HEATR5B: variants seen among roughly 807,000 people sequenced by gnomAD.
The protein encoded by HEATR5B is HEAT repeat-containing protein 5B.
A neutral mutation model predicts 224.1 loss-of-function variants in HEATR5B; 156 were observed. That is an observed-to-expected ratio of 0.70 (90% CI 0.61 to 0.80). The LOEUF (loss-of-function observed/expected upper bound fraction) is 0.80. Ranked by LOEUF, HEATR5B falls within the 30% of genes least tolerant of loss-of-function variation. The probability of loss-of-function intolerance (pLI) is 0.00; values close to 1 mark genes in which losing one functional copy is unlikely to be tolerated. For missense variants in HEATR5B, 2,323 were observed against 2,535.5 expected (o/e 0.92, Z 1.80); for synonymous variants, 1,027 against 893.0 (o/e 1.15, Z -2.68).
At chr2:36,984,215 A>AAAAAAAAAAAAAAAATATAT in intron 35 of HEATR5B, among the ~76,000 whole-genome samples, 2 of 77,642 alleles carry the variant, frequency 2.6e-5, no homozygotes, top group Admixed American at 1.4e-4. Flanking sequence ...AAAAAAAAAA[A>AAAAAAAAAAAAAAAATATAT]ATATATATAT....
intron 28 of HEATR5B, 76 bp downstream of exon 28, chr2:37,008,535 T>C (rs1371892267): frequency 1.0e-6 from 1 of 987,318 alleles, no homozygotes; most frequent in African/African-American, 1.6e-5. Context: ...CTGTTGTTGC[T>C]AGTCTATACC....
Position 37,083,275 on chromosome 2 carries a change from G to T in HEATR5B, c.126+14C>A. 2 of 1,613,664 alleles carry T rather than the reference G, an allele frequency of 1.2e-6. No individual in the cohort carries two copies. The highest frequency in any genetic ancestry group is 1.7e-6 in the Non-Finnish European group (2 of 1,179,766). ...TCACGTTAATGCAACTGGGAAAAAA[G>T]AGCAATACCATACCTTGTTGGCAGC... On this transcript the variant is annotated intron_variant, in intron 2 of 35. Coordinates refer to ENST00000233099, the MANE Select transcript of HEATR5B (RefSeq NM_019024.3).
intron 3 of HEATR5B, among the ~76,000 whole-genome samples, chr2:37,077,699 C>A (rs1672319301): frequency 1.3e-5 from 2 of 152,226 alleles, no homozygotes; most frequent in African/African-American, 4.8e-5. Flanking sequence ...TAATGTCAAT[C>A]ACTGATTTTG....
At chr2:37,038,203 G>A (rs1327141099) in intron 20 of HEATR5B, among the ~76,000 whole-genome samples, 179 bp from the exon 21 acceptor site, 3 of 152,002 alleles carry the variant, frequency 2.0e-5, no homozygotes, top group Non-Finnish European at 2.9e-5. Flanking sequence ...GCAGTGGCGC[G>A]ATCTCGGCTC....
At chr2:37,040,649 T>C in intron 19 of HEATR5B, 131 bp from the exon 20 acceptor site, 2 of 611,328 alleles carry the variant, frequency 3.3e-6, no homozygotes, top group South Asian at 4.7e-5. Context: ...CAAATCCAGA[T>C]TGTAGGATGT....
chr2:36,998,778 T>C (rs1170990376), intron 33 of HEATR5B, among the ~76,000 whole-genome samples: 1 of 152,160 alleles, frequency 6.6e-6, no homozygotes, highest in Non-Finnish European at 1.5e-5. Context: ...ACATTATTTA[T>C]GTAAATTTTA....
chr2:37,057,604 TAAAAAA>T, intron 14 of HEATR5B, 124 bp from the exon 15 acceptor site: 1 of 574,916 alleles, frequency 1.7e-6, no homozygotes, highest in Non-Finnish European at 2.9e-6. Context: ...TTCTCTTCTT[TAAAAAA>T]AATCTATATT....
At chr2:37,074,074 T>G (rs1466064502) in intron 5 of HEATR5B, among the ~76,000 whole-genome samples, 1 of 151,812 alleles carries the variant, frequency 6.6e-6, no homozygotes, top group Non-Finnish European at 1.5e-5. Context: ...GTAATCCCAG[T>G]AGTTTGGGAG....
chr2:37,005,627 T>C lies in HEATR5B; in HGVS notation c.4905+5A>G. 1 of 1,613,140 alleles carries C rather than the reference T, an allele frequency of 6.2e-7. No individual in the cohort carries two copies. Among genetic ancestry groups the C allele is most frequent in the Non-Finnish European group, 8.5e-7 (1 of 1,179,352 alleles). ...ACAAGTATCTATCATAGCAATACAC[T>C]GTACCTGATCTTCTGCAATATGGAC... is the stretch of plus-strand genomic sequence containing the variant. On this transcript the variant is annotated splice_donor_5th_base_variant and intron_variant, in intron 30 of 35. Coordinates refer to ENST00000233099, the MANE Select transcript of HEATR5B (RefSeq NM_019024.3).
Position 37,076,927 on chromosome 2 carries a change from G to A in HEATR5B, c.431C>T (p.Ser144Phe). 1 of 1,612,782 alleles carries A rather than the reference G, an allele frequency of 6.2e-7. No homozygotes were observed. Among genetic ancestry groups the A allele is most frequent in the Non-Finnish European group, 8.5e-7 (1 of 1,178,902 alleles). ...AAAACTTACCTCTGCACTTTTCAGA[G>A]ATTTCAATAGATTATTTACCGTTTC... is the stretch of plus-strand genomic sequence containing the variant. The part of the protein sequence containing the change: ...FPETVNNLLK[S>F]LKSAESQGRS... The change falls in exon 4 of 36, where the codon TCT becomes TTT. Residue 144 changes from serine to phenylalanine, a missense_variant. Physicochemically the swap from Ser to Phe is radical, Grantham distance 155 (BLOSUM62 -2). This residue lies in a region of HEATR5B where 292 missense variants were observed against 332.6 expected (regional missense o/e 0.88). Coordinates refer to ENST00000233099, the MANE Select transcript of HEATR5B (RefSeq NM_019024.3).
chr2:37,031,555 T>C (rs778904898), intron 22 of HEATR5B, among the ~76,000 whole-genome samples: 2 of 151,774 alleles, frequency 1.3e-5, no homozygotes, highest in Non-Finnish European at 2.9e-5. Context: ...TTATGGCAAC[T>C]GACATGTAGA....
chr2:37,003,419 G>A (rs541460452), intron 31 of HEATR5B, 123 bp downstream of exon 31: 64 of 666,560 alleles, frequency 9.6e-5, no homozygotes, highest in Non-Finnish European at 1.3e-4. Flanking sequence ...TTGGGTGACC[G>A]AATGAGACCC....
At chr2:36,990,324 C>G (rs2247610) in intron 34 of HEATR5B, among the ~76,000 whole-genome samples, 2 of 152,112 alleles carry the variant, frequency 1.3e-5, no homozygotes, top group Non-Finnish European at 2.9e-5. Context: ...TTCATTAAAA[C>G]GTCAATAATA....
In HEATR5B at chr2:37,053,589, G is replaced by A; in HGVS notation, c.2418C>T (p.His806=). 6.2e-7 allele frequency: 1 copy of A among 1,602,364 alleles called. No individual in the cohort carries two copies. The highest frequency in any genetic ancestry group is 8.5e-7 in the Non-Finnish European group (1 of 1,171,836). Residue 806 remains histidine, a synonymous_variant, in exon 17 of 36, where the codon CAC becomes CAT. Coordinates refer to ENST00000233099, the MANE Select transcript of HEATR5B (RefSeq NM_019024.3). The stretch of plus-strand genomic sequence containing the variant: ...TAGCTTGTTTAACACATTCAGCAAA[G>A]TGATCCAACATTTGTAATCTATAAC... ...SYKHRLQMLD[H]FAECVKQAKG...
intron 35 of HEATR5B, among the ~76,000 whole-genome samples, chr2:36,986,827 G>A (rs1372193005): frequency 6.6e-6 from 1 of 152,082 alleles, no homozygotes; most frequent in East Asian, 1.9e-4. Flanking sequence ...ATATCGGTCA[G>A]GTTGGTCTCG....
At chr2:36,996,904 T>G (rs1251271627) in intron 33 of HEATR5B, among the ~76,000 whole-genome samples, 1 of 152,006 alleles carries the variant, frequency 6.6e-6, no homozygotes, top group African/African-American at 2.4e-5. Flanking sequence ...ATTTTTGTAT[T>G]TTTAGTAGAA....
chr2:37,041,471 G>A (rs1669865470), intron 18 of HEATR5B, among the ~76,000 whole-genome samples, 179 bp from the exon 19 acceptor site: 1 of 152,192 alleles, frequency 6.6e-6, no homozygotes, highest in African/African-American at 2.4e-5. Context: ...CTACAGCTGG[G>A]TGTCATGGCT....
chr2:37,029,263 A>G (rs1351264535), intron 22 of HEATR5B, among the ~76,000 whole-genome samples: 1 of 152,264 alleles, frequency 6.6e-6, no homozygotes, highest in Non-Finnish European at 1.5e-5. Flanking sequence ...ATTTGTTAGA[A>G]GAATAAATTG....
intron 17 of HEATR5B, among the ~76,000 whole-genome samples, chr2:37,052,114 T>A (rs4670651): frequency 0.087 from 13,201 of 152,308 alleles, 661 homozygotes; most frequent in South Asian, 0.19. Context: ...GACTTAAGCA[T>A]GACCTAAGAC....
Sources: allele counts gnomAD v4.1 joint callset (sites outside exome capture counted in the v4.1 genomes callset), GRCh38; gene constraint gnomAD v4.1.1; regional missense constraint gnomAD v4.1.1; transcripts MANE v1.5; gene names NCBI Gene and HGNC (gene_info 2026-07-23, HGNC 2026-07-21).